ANGPT1: variants seen among roughly 807,000 people sequenced by gnomAD.
ANGPT1 encodes the protein angiopoietin-1.
A neutral mutation model predicts 62.2 loss-of-function variants in ANGPT1; 17 were observed. The observed-to-expected ratio is 0.27, with a 90% CI of 0.19 to 0.41. The LOEUF is 0.41. Ranked by LOEUF, ANGPT1 falls within the 10% of genes least tolerant of loss-of-function variation. ANGPT1 has a pLI of 1.00. For synonymous variants in ANGPT1, 199 were observed against 198.9 expected (o/e 1.00, Z 0.00); for missense variants, 478 against 594.9 (o/e 0.80, Z 2.04).
intron 3 of ANGPT1, among the ~76,000 whole-genome samples, chr8:107,323,997 T>C (rs1815219294): frequency 6.6e-6 from 1 of 151,868 alleles, no homozygotes; most frequent in Admixed American, 6.6e-5. Flanking sequence ...GCCAGGATGG[T>C]CTCGATCTCC....
intron 1 of ANGPT1, among the ~76,000 whole-genome samples, chr8:107,367,542 A>AT (rs1293974877): frequency 2.0e-5 from 3 of 151,998 alleles, no homozygotes; most frequent in Non-Finnish European, 4.4e-5. Flanking sequence ...TATCTAAAGC[A>AT]TGCTCTCTGT....
chr8:107,453,443 T>C (rs1358133642), intron 1 of ANGPT1, among the ~76,000 whole-genome samples: 1 of 151,864 alleles, frequency 6.6e-6, no homozygotes, highest in Non-Finnish European at 1.5e-5. Flanking sequence ...AGTCACATCT[T>C]ACATGGATGG....
intron 1 of ANGPT1, among the ~76,000 whole-genome samples, chr8:107,387,715 A>G (rs1816758084): frequency 6.6e-6 from 1 of 152,062 alleles, no homozygotes. Flanking sequence ...GGAAATGTTG[A>G]AAGAATTCAG....
chr8:107,486,249 G>T (rs1812812021), intron 1 of ANGPT1, among the ~76,000 whole-genome samples: 1 of 152,190 alleles, frequency 6.6e-6, no homozygotes, highest in African/African-American at 2.4e-5. Flanking sequence ...AAACGTTGCT[G>T]CAGCTAATCT....
chr8:107,449,883 A>T (rs772914101), intron 1 of ANGPT1, among the ~76,000 whole-genome samples: 3 of 152,070 alleles, frequency 2.0e-5, no homozygotes, highest in Non-Finnish European at 4.4e-5. Flanking sequence ...ACTTACTATC[A>T]AATAATTTTC....
chr8:107,251,889 G>T lies in ANGPT1; in HGVS notation c.1463C>A (p.Ser488Tyr). 1.9e-6 allele frequency: 3 copies of T among 1,613,902 alleles called. No homozygotes were observed. Among genetic ancestry groups the T allele is most frequent in the Non-Finnish European group, 2.5e-6 (3 of 1,179,858 alleles). The part of the protein sequence containing the change: ...YFKGPSYSLR[S>Y]TTMMIRPLDF Reference sequence around the variant, plus strand: ...TAAAGGTCGAATCATCATAGTTGTGGAACGTAAGGAGTAACTGGGCCCTTT... The same window carrying T: ...TAAAGGTCGAATCATCATAGTTGTGTAACGTAAGGAGTAACTGGGCCCTTT... The change falls in exon 9 of 9, where the codon TCC becomes TAC. Residue 488 changes from serine to tyrosine, a missense_variant. Around this residue, in one of 4 missense-constraint regions of ANGPT1, gnomAD observed 35 missense variants for 49.6 expected, o/e 0.71. Transcript: ENST00000517746.
chr8:107,277,496 ATAC>A, intron 7 of ANGPT1, among the ~76,000 whole-genome samples: 1 of 152,310 alleles, frequency 6.6e-6, no homozygotes, highest in East Asian at 1.9e-4. Context: ...AGGAAATATT[ATAC>A]TACCTTCCCA....
At chr8:107,473,156 T>A (rs1812407033) in intron 1 of ANGPT1, among the ~76,000 whole-genome samples, 1 of 152,102 alleles carries the variant, frequency 6.6e-6, no homozygotes, top group Non-Finnish European at 1.5e-5. Flanking sequence ...TTTGCTTAAA[T>A]ATCCACATGG....
At chr8:107,343,540 CAG>C (rs1457668194) in intron 2 of ANGPT1, among the ~76,000 whole-genome samples, 3 of 152,276 alleles carry the variant, frequency 2.0e-5, no homozygotes, top group Admixed American at 6.5e-5. Context: ...CAATGGATTT[CAG>C]AGCACAGCCA....
chr8:107,361,053 G>T (rs976658561), intron 1 of ANGPT1, among the ~76,000 whole-genome samples: 4 of 151,998 alleles, frequency 2.6e-5, no homozygotes, highest in Non-Finnish European at 1.5e-5. Context: ...TCATCTTCAC[G>T]TGCATATGGA....
chr8:107,259,522 T>C (rs1035970662), intron 8 of ANGPT1, among the ~76,000 whole-genome samples: 25 of 152,118 alleles, frequency 1.6e-4, no homozygotes, highest in African/African-American at 5.5e-4. Flanking sequence ...GGTTTATGCA[T>C]TGGGAAAAGA....
chr8:107,453,727 CA>C (rs533948880), intron 1 of ANGPT1, among the ~76,000 whole-genome samples: 55 of 151,944 alleles, frequency 3.6e-4, no homozygotes, highest in South Asian at 2.5e-3. Flanking sequence ...GGCTATTTAT[CA>C]TAAAAAATTG....
At chr8:107,477,419 G>A (rs1812561806) in intron 1 of ANGPT1, among the ~76,000 whole-genome samples, 1 of 152,190 alleles carries the variant, frequency 6.6e-6, no homozygotes, top group South Asian at 2.1e-4. Flanking sequence ...GACTGGAGTA[G>A]TAAGCCAGGG....
intron 1 of ANGPT1, among the ~76,000 whole-genome samples, chr8:107,446,925 A>T (rs1290950430): frequency 6.6e-6 from 1 of 152,142 alleles, no homozygotes; most frequent in Non-Finnish European, 1.5e-5. Flanking sequence ...CTCAGCTTCC[A>T]ATTTTCCACT....
At chr8:107,257,870 G>GTT (rs750634420) in intron 8 of ANGPT1, among the ~76,000 whole-genome samples, 8,687 of 42,588 alleles carry the variant, frequency 0.2, 1,181 homozygotes, top group Non-Finnish European at 0.28. Context: ...CCAAGGACTT[G>GTT]TTTTTGTTTC....
intron 1 of ANGPT1, among the ~76,000 whole-genome samples, chr8:107,478,296 C>G (rs1165658664): frequency 6.6e-6 from 1 of 150,658 alleles, no homozygotes; most frequent in Non-Finnish European, 1.5e-5. Context: ...TGCCTGTAAT[C>G]CCAGCACTTT....
rs147296717 is a variant in ANGPT1, at chr8:107,322,101, C to T, written c.603G>A (p.Met201Ile). The T allele has an allele frequency of 3.1e-5, 50 of 1,612,642 alleles. No individual in the cohort carries two copies. The highest frequency in any genetic ancestry group is 4.1e-5 in the Non-Finnish European group (48 of 1,179,332). ...CCAACTCTTCCTTGTGTTTTCCTTC[C>T]ATTTCTAAGATTTTATGTTCTAATA... ...NSLLEHKILE[M>I]EGKHKEELDT... is the part of the protein sequence containing the mutation. The change falls in exon 4 of 9, where the codon ATG (methionine) becomes ATA (isoleucine). Residue 201 changes from methionine to isoleucine, a missense_variant. Met to Ile is a conservative substitution (Grantham distance 10). Coordinates refer to ENST00000517746, the MANE Select transcript of ANGPT1 (RefSeq NM_001146.5).
intron 7 of ANGPT1, among the ~76,000 whole-genome samples, chr8:107,274,537 G>C (rs916121666): frequency 2.0e-5 from 3 of 152,000 alleles, no homozygotes; most frequent in Non-Finnish European, 1.5e-5. Flanking sequence ...AGATAAAAGA[G>C]ATAAAGATAA....
chr8:107,392,717 G>T (rs1816858787), intron 1 of ANGPT1, among the ~76,000 whole-genome samples: 1 of 152,010 alleles, frequency 6.6e-6, no homozygotes, highest in African/African-American at 2.4e-5. Flanking sequence ...AATTATTTTA[G>T]AATATTTTAA....
Sources: allele counts gnomAD v4.1 joint callset (sites outside exome capture counted in the v4.1 genomes callset), GRCh38; gene constraint gnomAD v4.1.1; regional missense constraint gnomAD v4.1.1; transcripts MANE v1.5; gene names NCBI Gene and HGNC (gene_info 2026-07-23, HGNC 2026-07-21).